CLASP1: variants seen among roughly 807,000 people sequenced by gnomAD.
The protein encoded by CLASP1 is cytoplasmic linker associated protein 1.
A neutral mutation model predicts 192.3 loss-of-function variants in CLASP1; 38 were observed. The observed-to-expected ratio is 0.20, with a 90% CI of 0.15 to 0.26. The LOEUF (loss-of-function observed/expected upper bound fraction) is 0.26. Among genes scored for constraint, CLASP1 ranks in the 10% least tolerant of loss-of-function variants. The pLI, the probability that CLASP1 is intolerant of heterozygous loss-of-function variation, is 1.00. For synonymous variants in CLASP1, 691 were observed against 712.8 expected, an observed-to-expected ratio of 0.97 and a Z score of 0.49; for missense variants, 1,433 against 1,932.5, an observed-to-expected ratio of 0.74 and a Z score of 4.85.
intron 1 of CLASP1, among the ~76,000 whole-genome samples, chr2:121,648,875 G>T (rs890346478): frequency 6.6e-6 from 1 of 152,240 alleles, no homozygotes; most frequent in Non-Finnish European, 1.5e-5. Flanking sequence ...CCGGTTGGGA[G>T]CCCAGGACGG....
At chr2:121,499,148 A>G (rs542967461) in intron 8 of CLASP1, among the ~76,000 whole-genome samples, 1 of 152,346 alleles carries the variant, frequency 6.6e-6, no homozygotes, top group African/African-American at 2.4e-5. Context: ...CATTCTTCAC[A>G]ATGGCCAAAA....
chr2:121,451,877 T>A (rs768588711), intron 14 of CLASP1, 28 bp from the exon 15 acceptor site: 17 of 1,451,578 alleles, frequency 1.2e-5, no homozygotes, highest in Admixed American at 2.0e-5. Context: ...ATACACAACT[T>A]ATTAATACAT....
chr2:121,611,084 A>T (rs1330954753), intron 1 of CLASP1, among the ~76,000 whole-genome samples: 17 of 122,536 alleles, frequency 1.4e-4, no homozygotes, highest in African/African-American at 3.1e-4. Flanking sequence ...GAGGAGGAGG[A>T]GTTGGAGGAG....
At chr2:121,590,866 G>T (rs1576293008) in intron 2 of CLASP1, among the ~76,000 whole-genome samples, 1 of 141,772 alleles carries the variant, frequency 7.1e-6, no homozygotes, top group Non-Finnish European at 1.5e-5. Context: ...AAAATTATTT[G>T]ATTTTTTTTT....
intron 2 of CLASP1, among the ~76,000 whole-genome samples, chr2:121,580,382 A>G (rs2105550402): frequency 6.6e-6 from 1 of 152,362 alleles, no homozygotes; most frequent in Non-Finnish European, 1.5e-5. Flanking sequence ...CTCTTTATAA[A>G]ATAATGTATG....
At chr2:121,510,065 T>C (rs2094076270) in intron 7 of CLASP1, among the ~76,000 whole-genome samples, 1 of 152,176 alleles carries the variant, frequency 6.6e-6, no homozygotes, top group East Asian at 1.9e-4. Context: ...TCAAAGCTTA[T>C]GGAATACAGC....
At chr2:121,459,075 G>A (rs2087294380) in intron 12 of CLASP1, 100 bp from the exon 13 acceptor site, 2 of 840,832 alleles carry the variant, frequency 2.4e-6, no homozygotes, top group East Asian at 2.9e-5. Context: ...AAGTTATCTA[G>A]AAAGGACAAG....
chr2:121,407,982 A>G, intron 24 of CLASP1: 2 of 541,788 alleles, frequency 3.7e-6, no homozygotes, highest in African/African-American at 1.9e-5. Context: ...CAGACAGATC[A>G]CAACCTTGGT....
intron 8 of CLASP1, among the ~76,000 whole-genome samples, chr2:121,493,122 T>C (rs1415267388): frequency 6.6e-6 from 1 of 152,206 alleles, no homozygotes; most frequent in Admixed American, 6.5e-5. Flanking sequence ...AATGACATTC[T>C]TTACAGAAAT....
At chr2:121,582,867 C>T (rs986956329) in intron 2 of CLASP1, among the ~76,000 whole-genome samples, 2 of 151,732 alleles carry the variant, frequency 1.3e-5, no homozygotes, top group African/African-American at 4.8e-5. Flanking sequence ...TCTCTGCAAC[C>T]TCTGCCTCCC....
At chr2:121,363,695 G>A (rs866302855) in intron 36 of CLASP1, among the ~76,000 whole-genome samples, 2 of 151,408 alleles carry the variant, frequency 1.3e-5, no homozygotes, top group South Asian at 4.2e-4. Context: ...GAAAGAATGT[G>A]TATAAAGCAC....
intron 32 of CLASP1, among the ~76,000 whole-genome samples, chr2:121,385,481 G>A (rs965543891): frequency 6.6e-6 from 1 of 152,132 alleles, no homozygotes; most frequent in African/African-American, 2.4e-5. Context: ...CAATTAAGAA[G>A]GAATAATGAC....
At chr2:121,505,731 T>C (rs2093924917) in intron 7 of CLASP1, among the ~76,000 whole-genome samples, 1 of 152,246 alleles carries the variant, frequency 6.6e-6, no homozygotes, top group South Asian at 2.1e-4. Flanking sequence ...TAAATTTCTT[T>C]ACTGGTTTGA....
chr2:121,394,804 C>T (rs914446156), intron 30 of CLASP1, among the ~76,000 whole-genome samples: 9 of 152,088 alleles, frequency 5.9e-5, no homozygotes, highest in African/African-American at 1.9e-4. Flanking sequence ...GGCGTGAACC[C>T]GGGAGGCGGA....
At chr2:121,527,455 G>C (rs61107933) in intron 5 of CLASP1, among the ~76,000 whole-genome samples, 209 of 152,292 alleles carry the variant, frequency 1.4e-3, no homozygotes, top group African/African-American at 4.7e-3. Context: ...CAGATTCCTG[G>C]AAATTCAAAT....
At chr2:121,401,378 C>T in intron 28 of CLASP1, 131 bp downstream of exon 29, 2 of 649,338 alleles carry the variant, frequency 3.1e-6, no homozygotes, top group Non-Finnish European at 5.2e-6. Flanking sequence ...ATGTCAACAA[C>T]AGAAAGTGAG....
chr2:121,393,952 T>C (rs1406705853), intron 30 of CLASP1, among the ~76,000 whole-genome samples: 3 of 151,312 alleles, frequency 2.0e-5, no homozygotes, highest in Non-Finnish European at 4.4e-5. Context: ...ATAATTTGCA[T>C]AGATAGGTAA....
intron 1 of CLASP1, among the ~76,000 whole-genome samples, chr2:121,640,660 T>A (rs1226634833): frequency 6.7e-6 from 1 of 150,116 alleles, no homozygotes; most frequent in Non-Finnish European, 1.5e-5. Context: ...CTGACCTTCA[T>A]GAAGGAAGAA....
intron 33 of CLASP1, among the ~76,000 whole-genome samples, chr2:121,380,263 C>G (rs563143026): frequency 2.0e-5 from 3 of 152,306 alleles, no homozygotes; most frequent in African/African-American, 7.2e-5. Flanking sequence ...AGGACGGCCT[C>G]AGAAGCTGAC....
Sources: allele counts gnomAD v4.1 joint callset (sites outside exome capture counted in the v4.1 genomes callset), GRCh38; gene constraint gnomAD v4.1.1; transcripts MANE v1.5; gene names NCBI Gene and HGNC (gene_info 2026-07-23, HGNC 2026-07-21).